Variants in SDCCAG8 observed in about 807,000 individuals in gnomAD.
SDCCAG8 encodes the protein serologically defined colon cancer antigen 8.
SDCCAG8 carries 74 observed loss-of-function variants against 101.8 expected under a neutral mutation model. That is an observed-to-expected ratio of 0.73 (90% CI 0.60 to 0.88). SDCCAG8 has a LOEUF of 0.88. Among genes scored for constraint, SDCCAG8 ranks in the 40% least tolerant of loss-of-function variants. The probability of loss-of-function intolerance (pLI) is 0.00; values close to 1 mark genes in which losing one functional copy is unlikely to be tolerated. For synonymous variants in SDCCAG8, 281 were observed against 292.9 expected, an observed-to-expected ratio of 0.96 and a Z score of 0.41; for missense variants, 787 against 822.6, an observed-to-expected ratio of 0.96 and a Z score of 0.53.
chr1:243,302,644 C>A (rs750007864), intron 6 of SDCCAG8, among the ~76,000 whole-genome samples: 1 of 152,154 alleles, frequency 6.6e-6, no homozygotes, highest in Non-Finnish European at 1.5e-5. Context: ...TAAGAGACTG[C>A]CTTTTAAAGT....
chr1:243,340,231 G>A (rs1442445234), intron 10 of SDCCAG8, among the ~76,000 whole-genome samples: 1 of 152,204 alleles, frequency 6.6e-6, no homozygotes, highest in African/African-American at 2.4e-5. Context: ...GGTACACAGA[G>A]GTTGTGGTGT....
chr1:243,368,061 C>T (rs2077082619), intron 12 of SDCCAG8, among the ~76,000 whole-genome samples: 1 of 151,586 alleles, frequency 6.6e-6, no homozygotes, highest in South Asian at 2.1e-4. Context: ...AAAAAAAATA[C>T]AGAAATTAGC....
chr1:243,372,954 C>CTATATCTATATCTATCTA (rs1558373524), intron 12 of SDCCAG8, among the ~76,000 whole-genome samples: 55 of 131,728 alleles, frequency 4.2e-4, no homozygotes, highest in East Asian at 1.3e-3. Flanking sequence ...CTATATCTAT[C>CTATATCTATATCTATCTA]TATATATATA....
intron 13 of SDCCAG8, among the ~76,000 whole-genome samples, chr1:243,391,026 T>C (rs767784531): frequency 3.9e-5 from 6 of 152,206 alleles, no homozygotes; most frequent in Non-Finnish European, 8.8e-5. Flanking sequence ...TTCAAACTCC[T>C]GGGCTCAAGC....
chr1:243,330,608 T>G lies in SDCCAG8; in HGVS notation c.1137T>G (p.Leu379=), dbSNP rs2074516253. The G allele has an allele frequency of 1.2e-5, 20 of 1,613,932 alleles. No individual in the cohort carries two copies. Among genetic ancestry groups the G allele is most frequent in the Non-Finnish European group, 1.7e-5 (20 of 1,179,970 alleles). The change falls in exon 10 of 18, where the codon CTT becomes CTG. Residue 379 remains leucine (L), a synonymous_variant. Coordinates refer to ENST00000366541, the MANE Select transcript of SDCCAG8 (RefSeq NM_006642.5). ...ERQAERLEKE[L]ASQQEKRAIE... ...AGGCGGAGCGACTTGAAAAAGAACT[T>G]GCATCTCAGCAAGAGAAAAGGGCCA...
chr1:243,270,443 C>T (rs1459046503), intron 2 of SDCCAG8, among the ~76,000 whole-genome samples, 186 bp downstream of exon 2: 3 of 152,196 alleles, frequency 2.0e-5, no homozygotes, highest in Non-Finnish European at 4.4e-5. Flanking sequence ...AGGCTAAAGT[C>T]CAAAATTCTT....
At chr1:243,484,166 G>A (rs1278616421) in intron 16 of SDCCAG8, among the ~76,000 whole-genome samples, 1 of 152,212 alleles carries the variant, frequency 6.6e-6, no homozygotes, top group Non-Finnish European at 1.5e-5. Flanking sequence ...CTGTTAAATG[G>A]CACTGCCATT....
intron 13 of SDCCAG8, among the ~76,000 whole-genome samples, chr1:243,408,475 C>T (rs2079943155): frequency 1.3e-5 from 2 of 152,130 alleles, no homozygotes; most frequent in Non-Finnish European, 1.5e-5. Context: ...AATCCAATAG[C>T]TTAGGGGACA....
chr1:243,437,023 A>G (rs1410643034), intron 16 of SDCCAG8, among the ~76,000 whole-genome samples: 1 of 151,966 alleles, frequency 6.6e-6, no homozygotes, highest in Non-Finnish European at 1.5e-5. Context: ...CAGTCAATTC[A>G]CTCTCTAAAG....
chr1:243,419,894 C>T (rs1391992189), intron 15 of SDCCAG8, among the ~76,000 whole-genome samples: 5 of 152,208 alleles, frequency 3.3e-5, no homozygotes, highest in Non-Finnish European at 5.9e-5. Context: ...TCCTCTAGAT[C>T]TGTCATCTTA....
At chr1:243,296,366 C>G (rs1049273776) in intron 6 of SDCCAG8, among the ~76,000 whole-genome samples, 6 of 152,050 alleles carry the variant, frequency 3.9e-5, no homozygotes, top group Non-Finnish European at 8.8e-5. Context: ...AATATATTCT[C>G]CTGACCCTAC....
Position 243,499,861 on chromosome 1 carries a change from C to T in SDCCAG8, c.*76C>T, listed in dbSNP as rs1340522689. Reference sequence around the variant, plus strand: ...CATCTGGTTTAGACTTAATATGCCACAACGCACCACGACCTTCCCAGGGTG... The same window carrying T: ...CATCTGGTTTAGACTTAATATGCCATAACGCACCACGACCTTCCCAGGGTG... On this transcript the variant is annotated 3_prime_UTR_variant, in exon 18 of 18. Transcript: ENST00000366541. The T allele has an allele frequency of 1.4e-6, 2 of 1,403,870 alleles. No individual in the cohort carries two copies. The highest frequency in any genetic ancestry group is 2.3e-5 in the East Asian group (1 of 43,182). 87.0% of individuals were successfully genotyped at this position (1,403,870 alleles called of 1,614,324 possible). A position where few individuals can be genotyped will look rare whatever the true frequency, so the allele number is the denominator to read the frequency against.
At chr1:243,485,609 C>T (rs1053304998) in intron 16 of SDCCAG8, among the ~76,000 whole-genome samples, 8 of 152,152 alleles carry the variant, frequency 5.3e-5, no homozygotes, top group Admixed American at 1.3e-4. Context: ...AAATAAATAA[C>T]TTTCAAAAAA....
At chr1:243,293,679 A>G (rs2070497679) in intron 6 of SDCCAG8, among the ~76,000 whole-genome samples, 1 of 152,208 alleles carries the variant, frequency 6.6e-6, no homozygotes, top group Non-Finnish European at 1.5e-5. Flanking sequence ...TTATCCATTC[A>G]TCTATTGACT....
chr1:243,415,874 T>G (rs1431329243), intron 14 of SDCCAG8, 45 bp downstream of exon 14: 1 of 1,606,872 alleles, frequency 6.2e-7, no homozygotes, highest in Admixed American at 1.7e-5. Context: ...AGCTCACAAG[T>G]CAGGCCCACG....
chr1:243,333,627 C>A (rs1168454377), intron 10 of SDCCAG8, among the ~76,000 whole-genome samples: 1 of 152,220 alleles, frequency 6.6e-6, no homozygotes, highest in Non-Finnish European at 1.5e-5. Flanking sequence ...AACTTCCATG[C>A]CACAGCCAGT....
chr1:243,379,197 G>A (rs2077786443), intron 13 of SDCCAG8, among the ~76,000 whole-genome samples: 1 of 152,146 alleles, frequency 6.6e-6, no homozygotes, highest in Non-Finnish European at 1.5e-5. Context: ...TTGAACTGAA[G>A]GATGTGAGGA....
intron 1 of SDCCAG8, chr1:243,267,565 G>T: frequency 4.4e-6 from 2 of 455,434 alleles, no homozygotes; most frequent in Non-Finnish European, 8.0e-6. Context: ...TTGCGCCATC[G>T]CACTCCAGCC....
At chr1:243,392,728 C>T (rs943142863) in intron 13 of SDCCAG8, among the ~76,000 whole-genome samples, 1 of 152,204 alleles carries the variant, frequency 6.6e-6, no homozygotes, top group Non-Finnish European at 1.5e-5. Context: ...TGCGACAACT[C>T]ACGTAACTAA....
Sources: gnomAD v4.1 joint callset for allele counts (sites outside exome capture counted in the v4.1 genomes callset) on GRCh38, gnomAD v4.1.1 for gene constraint, MANE v1.5 for transcripts, NCBI Gene and HGNC (gene_info 2026-07-23, HGNC 2026-07-21) for gene names.